MAGI2: variants seen among roughly 807,000 people sequenced by gnomAD.
MAGI2 encodes membrane associated guanylate kinase, WW and PDZ domain containing 2, also known as membrane-associated guanylate kinase, WW and PDZ domain-containing protein 2.
MAGI2 carries 35 observed loss-of-function variants against 133.3 expected under a neutral mutation model. That is an observed-to-expected ratio of 0.26 (90% CI 0.20 to 0.35). The LOEUF is 0.35. MAGI2 is among the 10% of genes least tolerant of loss of function. MAGI2 has a pLI of 1.00. For missense variants in MAGI2, 1,636 were observed against 1,863.4 expected, an observed-to-expected ratio of 0.88 and a Z score of 2.25; for synonymous variants, 729 against 710.6, an observed-to-expected ratio of 1.03 and a Z score of -0.41.
In MAGI2 at chr7:78,429,233, C is replaced by G. The variant is rs113779230; in HGVS notation, c.1046-60020G>C. On this transcript the variant is annotated intron_variant, in intron 6 of 21. Coordinates refer to ENST00000354212, the MANE Select transcript of MAGI2 (RefSeq NM_012301.4). ...CGCCACATTGGTTTTTGTAACTGACCCAAACATCATCAGAACTCCCATCCC... is the reference window on the plus strand; with the variant it reads ...CGCCACATTGGTTTTTGTAACTGACGCAAACATCATCAGAACTCCCATCCC... Among the ~76,000 whole-genome samples the G allele has an allele frequency of 4.7e-4, 72 of 152,056 alleles. 1 individual carries two copies. Among genetic ancestry groups the G allele is most frequent in the African/African-American group, 1.3e-3 (54 of 41,476 alleles).
At chr7:78,150,887 T>G (rs939393534) in intron 16 of MAGI2, among the ~76,000 whole-genome samples, 1 of 152,120 alleles carries the variant, frequency 6.6e-6, no homozygotes, top group African/African-American at 2.4e-5. Flanking sequence ...CTCCTCTTTT[T>G]GAGGATAAAT....
intron 1 of MAGI2, among the ~76,000 whole-genome samples, chr7:79,033,789 C>T (rs906124234): frequency 6.6e-6 from 1 of 152,068 alleles, no homozygotes; most frequent in Non-Finnish European, 1.5e-5. Context: ...GTCAGTGGTA[C>T]ATAAGGTTCA....
At chr7:79,368,808 A>G (rs1404004259) in intron 1 of MAGI2, among the ~76,000 whole-genome samples, 2 of 138,618 alleles carry the variant, frequency 1.4e-5, no homozygotes, top group African/African-American at 5.4e-5. Context: ...AGATTGTGCC[A>G]CTGCACTCCA....
chr7:79,275,607 A>G lies in MAGI2; in HGVS notation c.301+177413T>C, dbSNP rs1350870347. On this transcript the variant is annotated intron_variant, in intron 1 of 21. Coordinates refer to ENST00000354212, the MANE Select transcript of MAGI2 (RefSeq NM_012301.4). ...GTCTACATTAAACAACAGACATTCA[A>G]TGTAGACAAAAATAGCCTATTGGAA... Among the ~76,000 whole-genome samples the G allele has an allele frequency of 5.9e-5, 9 of 152,296 alleles. No individual in the cohort carries two copies. The South Asian group carries it at 1.5e-3, about 25-fold the overall frequency.
At chr7:78,509,603 T>C (rs1010246727) in intron 4 of MAGI2, among the ~76,000 whole-genome samples, 6 of 152,338 alleles carry the variant, frequency 3.9e-5, no homozygotes, top group African/African-American at 1.4e-4. Flanking sequence ...TACAAAAATA[T>C]GCATGGCAGC....
chr7:78,957,264 CA>C (rs1187620956), intron 2 of MAGI2, among the ~76,000 whole-genome samples: 794 of 42,662 alleles, frequency 0.019, 2 homozygotes, highest in African/African-American at 0.057. Flanking sequence ...GACTCCATCT[CA>C]AAAAAAAAAA....
chr7:78,643,974 A>C (rs890689361), intron 2 of MAGI2, among the ~76,000 whole-genome samples: 2 of 152,298 alleles, frequency 1.3e-5, no homozygotes, highest in Middle Eastern at 3.4e-3. Context: ...ATGCAAAAAA[A>C]GTTAGAAGTA....
At chr7:79,397,790 T>C (rs1845170370) in intron 1 of MAGI2, among the ~76,000 whole-genome samples, 1 of 152,172 alleles carries the variant, frequency 6.6e-6, no homozygotes, top group Non-Finnish European at 1.5e-5. Flanking sequence ...TTTATTGGGA[T>C]GTATTTCTTT....
chr7:78,584,421 GAAAAAAAAAAAAAA>G (rs57844382), intron 3 of MAGI2, among the ~76,000 whole-genome samples: 14 of 83,964 alleles, frequency 1.7e-4, no homozygotes, highest in South Asian at 7.5e-4. Context: ...CTCCGTCTCA[GAAAAAAAAAAAAAA>G]AAAAAAAAAA....
At chr7:79,073,152 C>A (rs1013750250) in intron 1 of MAGI2, among the ~76,000 whole-genome samples, 2 of 152,126 alleles carry the variant, frequency 1.3e-5, no homozygotes, top group Non-Finnish European at 2.9e-5. Flanking sequence ...AAGAATTAAA[C>A]CCTTGGGGCC....
At chr7:78,594,110 A>G (rs148569784) in intron 3 of MAGI2, among the ~76,000 whole-genome samples, 224 of 152,264 alleles carry the variant, frequency 1.5e-3, no homozygotes, top group African/African-American at 5.2e-3. Flanking sequence ...CAACCAACCT[A>G]TATCCCACTT....
chr7:78,193,713 G>A (rs1340460933), intron 12 of MAGI2, among the ~76,000 whole-genome samples: 1 of 151,454 alleles, frequency 6.6e-6, no homozygotes, highest in Non-Finnish European at 1.5e-5. Context: ...AGAAGGAGAG[G>A]AATGAAATAC....
At chr7:79,373,412 T>C (rs1375997840) in intron 1 of MAGI2, among the ~76,000 whole-genome samples, 2 of 151,982 alleles carry the variant, frequency 1.3e-5, no homozygotes, top group African/African-American at 2.4e-5. Context: ...CTTCTGAAAA[T>C]TGTTAAATAT....
intron 3 of MAGI2, among the ~76,000 whole-genome samples, chr7:78,577,144 T>A (rs376148398): frequency 6.6e-6 from 1 of 152,338 alleles, no homozygotes; most frequent in South Asian, 2.1e-4. Context: ...TTTATTTGCA[T>A]TATTTTATTT....
chr7:79,148,169 A>G (rs976206789), intron 1 of MAGI2, among the ~76,000 whole-genome samples: 3 of 152,196 alleles, frequency 2.0e-5, no homozygotes, highest in African/African-American at 7.2e-5. Flanking sequence ...TCCATGGGCA[A>G]AAGCTATCAA....
At chr7:78,422,664 A>C (rs1188166434) in intron 6 of MAGI2, among the ~76,000 whole-genome samples, 1 of 152,166 alleles carries the variant, frequency 6.6e-6, no homozygotes, top group African/African-American at 2.4e-5. Flanking sequence ...AAGAGAAAGG[A>C]ACTTTCTCAA....
intron 20 of MAGI2, among the ~76,000 whole-genome samples, chr7:78,106,444 C>T (rs1194132937): frequency 6.6e-6 from 1 of 152,078 alleles, no homozygotes; most frequent in African/African-American, 2.4e-5. Context: ...CAGTTATTCA[C>T]AGTGGTTATG....
At chr7:78,939,907 C>G (rs1800835688) in intron 2 of MAGI2, 1 of 152,136 alleles carries the variant, frequency 6.6e-6, no homozygotes, top group Non-Finnish European at 1.5e-5. Flanking sequence ...GATGAGAATG[C>G]ACAGTTAATC....
chr7:79,190,496 T>C (rs1180699567), intron 1 of MAGI2, among the ~76,000 whole-genome samples: 1 of 151,910 alleles, frequency 6.6e-6, no homozygotes, highest in Non-Finnish European at 1.5e-5. Context: ...GAGGTTTTAA[T>C]AATTTGTTGT....
Sources: gnomAD v4.1 joint callset for allele counts (sites outside exome capture counted in the v4.1 genomes callset) on GRCh38, gnomAD v4.1.1 for gene constraint, MANE v1.5 for transcripts, NCBI Gene and HGNC (gene_info 2026-07-23, HGNC 2026-07-21) for gene names.